TPO: variants seen among roughly 807,000 people sequenced by gnomAD.
The protein encoded by TPO is thyroid peroxidase.
TPO carries 78 observed loss-of-function variants against 96.9 expected under a neutral mutation model. That is an observed-to-expected ratio of 0.81 (90% CI 0.67 to 0.97). The LOEUF is 0.97. Among genes scored for constraint, TPO ranks in the 50% least tolerant of loss-of-function variants. The probability of loss-of-function intolerance (pLI) is 0.00; values close to 1 mark genes in which losing one functional copy is unlikely to be tolerated. For missense variants in TPO, 1,252 were observed against 1,274.8 expected (o/e 0.98, Z 0.27); for synonymous variants, 547 against 538.0 (o/e 1.02, Z -0.23).
intron 15 of TPO, among the ~76,000 whole-genome samples, chr2:1,537,944 G>C (rs112880194): frequency 0.24 from 17,423 of 72,288 alleles, 1,795 homozygotes; most frequent in African/African-American, 0.32. Context: ...GCAACCTCCC[G>C]AAATCCCCCG....
intron 2 of TPO, among the ~76,000 whole-genome samples, chr2:1,419,196 G>A (rs1358766221): frequency 6.6e-6 from 1 of 152,178 alleles, no homozygotes; most frequent in Non-Finnish European, 1.5e-5. Flanking sequence ...CAGGCAGAGA[G>A]CAGCGGGCGG....
chr2:1,511,814 A>C (rs1427897595), intron 14 of TPO, among the ~76,000 whole-genome samples: 2 of 152,214 alleles, frequency 1.3e-5, no homozygotes, highest in African/African-American at 4.8e-5. Flanking sequence ...TCTGAGGCCC[A>C]GGGTGTTGGG....
At chr2:1,498,248 C>G (rs149831808) in intron 13 of TPO, among the ~76,000 whole-genome samples, 4 of 152,322 alleles carry the variant, frequency 2.6e-5, no homozygotes, top group African/African-American at 9.6e-5. Context: ...CCTGTGTGCA[C>G]CAGAGACCCA....
chr2:1,526,530 G>T (rs1222191491), intron 15 of TPO, among the ~76,000 whole-genome samples: 2 of 126,464 alleles, frequency 1.6e-5, no homozygotes, highest in African/African-American at 3.2e-5. Context: ...CCCAGTGTTC[G>T]CAACCTCCTC....
intron 7 of TPO, among the ~76,000 whole-genome samples, chr2:1,475,691 GGGCGCCCACCTCAGCCTCCC>G (rs1669853764): frequency 2.0e-5 from 3 of 152,014 alleles, no homozygotes; most frequent in Non-Finnish European, 4.4e-5. Context: ...CCAAATTGCT[GGGCGCCCACCTCAGCCTCCC>G]AAAGTGCTGG....
chr2:1,484,480 C>A, intron 8 of TPO, 116 bp from the exon 9 acceptor site: 1 of 1,353,536 alleles, frequency 7.4e-7, no homozygotes, highest in African/African-American at 1.4e-5. Flanking sequence ...TATTACAAGA[C>A]GAGAAGGGTC....
chr2:1,540,772 A>ACAGGATCT (rs1680659573), intron 16 of TPO, 49 bp downstream of exon 16: 1 of 1,612,968 alleles, frequency 6.2e-7, no homozygotes. Context: ...CAGTGGTTGG[A>ACAGGATCT]CAGGATCTGG....
chr2:1,489,065 CGG>C (rs1404638963), intron 10 of TPO, among the ~76,000 whole-genome samples: 30 of 151,844 alleles, frequency 2.0e-4, no homozygotes, highest in Non-Finnish European at 2.5e-4. Context: ...CGCACATGCC[CGG>C]CACATGCCCA....
At chr2:1,394,818 C>A (rs1662053868) in intron 1 of TPO, among the ~76,000 whole-genome samples, 1 of 152,128 alleles carries the variant, frequency 6.6e-6, no homozygotes, top group South Asian at 2.1e-4. Flanking sequence ...CATTCTGTAG[C>A]TGGTTTGCAA....
At chr2:1,518,513 G>A (rs1382464913) in intron 15 of TPO, among the ~76,000 whole-genome samples, 3 of 152,214 alleles carry the variant, frequency 2.0e-5, no homozygotes, top group African/African-American at 7.2e-5. Context: ...TGGTAGTAAA[G>A]CCAGTTCCCC....
chr2:1,387,530 CAT>C (rs1052505400), intron 1 of TPO, among the ~76,000 whole-genome samples: 4 of 152,212 alleles, frequency 2.6e-5, no homozygotes, highest in African/African-American at 9.6e-5. Context: ...GCATTCATCA[CAT>C]AGTTCTTGTG....
chr2:1,463,200 T>C (rs911382018), intron 7 of TPO, among the ~76,000 whole-genome samples: 6 of 152,298 alleles, frequency 3.9e-5, no homozygotes, highest in South Asian at 2.1e-4. Flanking sequence ...ATGAACCTCC[T>C]GGCTTGCAGT....
intron 3 of TPO, among the ~76,000 whole-genome samples, chr2:1,432,042 C>T (rs547575972): frequency 4.1e-4 from 63 of 152,390 alleles, no homozygotes; most frequent in Non-Finnish European, 7.5e-4. Flanking sequence ...GTCACTTGGG[C>T]AGTGCTGGCC....
intron 5 of TPO, among the ~76,000 whole-genome samples, chr2:1,446,162 T>C (rs11689536): frequency 0.065 from 9,884 of 152,212 alleles, 417 homozygotes; most frequent in East Asian, 0.16. Flanking sequence ...CCCAGAGGGC[T>C]GCCTTCTGGC....
At chr2:1,378,421 T>G (rs1489511459) in intron 1 of TPO, among the ~76,000 whole-genome samples, 1 of 152,204 alleles carries the variant, frequency 6.6e-6, no homozygotes, top group Non-Finnish European at 1.5e-5. Context: ...GCAGAGGTGA[T>G]GGAGCCCCAT....
chr2:1,533,396 G>C, intron 15 of TPO, among the ~76,000 whole-genome samples: 1 of 110,500 alleles, frequency 9.0e-6, no homozygotes. Flanking sequence ...TCCCCACACT[G>C]TTTGCAACCT....
At chr2:1,409,976 G>A (rs2148387985), upstream of TPO, among the ~76,000 whole-genome samples, 1 of 145,140 alleles carries the variant, frequency 6.9e-6, no homozygotes, top group South Asian at 2.3e-4. Context: ...GTGGGGGCTG[G>A]TGCCATGGGG....
At chr2:1,531,212 A>T (rs74540885) in intron 15 of TPO, among the ~76,000 whole-genome samples, 1,556 of 41,984 alleles carry the variant, frequency 0.037, 46 homozygotes, top group East Asian at 0.22. Context: ...GTCTGCAACC[A>T]CCCCAAATCG....
intron 7 of TPO, among the ~76,000 whole-genome samples, chr2:1,474,039 G>GT (rs1669679318): frequency 6.6e-6 from 1 of 152,104 alleles, no homozygotes; most frequent in Non-Finnish European, 1.5e-5. Flanking sequence ...AACTGAGATA[G>GT]TACTAAGTAC....
Sources: allele counts gnomAD v4.1 joint callset (sites outside exome capture counted in the v4.1 genomes callset), GRCh38; gene constraint gnomAD v4.1.1; transcripts MANE v1.5; gene names NCBI Gene and HGNC (gene_info 2026-07-23, HGNC 2026-07-21).